CLIC5: variants seen among roughly 807,000 people sequenced by gnomAD.
CLIC5 encodes CLIC family member 5, also known as chloride intracellular channel protein 5.
A neutral mutation model predicts 24.7 loss-of-function variants in CLIC5; 20 were observed. That is an observed-to-expected ratio of 0.81 (90% CI 0.57 to 1.18). The LOEUF is 1.18. CLIC5 is among the 50% of genes most tolerant of loss of function. CLIC5 has a pLI of 0.00. For synonymous variants in CLIC5, 159 were observed against 135.6 expected (o/e 1.17, Z -1.20); for missense variants, 341 against 326.1 (o/e 1.05, Z -0.35).
intron 1 of CLIC5, among the ~76,000 whole-genome samples, chr6:46,055,011 C>T (rs543773240): frequency 1.3e-5 from 2 of 152,306 alleles, no homozygotes; most frequent in Admixed American, 6.5e-5. Flanking sequence ...AAGAGATGTT[C>T]CCTTTTCTGT....
chr6:45,903,200 C>CA lies in CLIC5; in HGVS notation c.643dup (p.Trp215LeufsTer11). 1 of 1,612,552 alleles carries CA rather than the reference C, an allele frequency of 6.2e-7. No homozygotes were observed. The highest frequency in any genetic ancestry group is 8.5e-7 in the Non-Finnish European group (1 of 1,179,498). ...GGCATAGGCGTTCTTGAGGTACCGC[C>CA]ACAGGCCTGTCATCTCAGCCGGGAT... is the stretch of plus-strand genomic sequence containing the variant. On this transcript the variant is annotated frameshift_variant, in exon 6 of 6. Coordinates refer to ENST00000339561, the MANE Select transcript of CLIC5 (RefSeq NM_016929.5). LOFTEE classifies it high-confidence loss of function.
At chr6:45,944,777 G>A (rs897655144) in intron 3 of CLIC5, among the ~76,000 whole-genome samples, 1 of 152,124 alleles carries the variant, frequency 6.6e-6, no homozygotes, top group Non-Finnish European at 1.5e-5. Flanking sequence ...TGGTTTTGGG[G>A]ATAGATACCC....
intron 1 of CLIC5, among the ~76,000 whole-genome samples, chr6:46,024,251 C>T (rs916682302): frequency 1.3e-5 from 2 of 152,154 alleles, no homozygotes; most frequent in African/African-American, 4.8e-5. Context: ...GATCTACCTT[C>T]CTCCATTCAC....
intron 6 of CLIC5, among the ~76,000 whole-genome samples, chr6:45,891,697 G>A (rs1260773095): frequency 3.3e-5 from 5 of 151,738 alleles, no homozygotes; most frequent in Non-Finnish European, 7.4e-5. Context: ...ATATGTGCAT[G>A]GAAAATTTCT....
chr6:46,002,745 T>TA (rs1396124995), intron 1 of CLIC5, among the ~76,000 whole-genome samples: 2 of 152,140 alleles, frequency 1.3e-5, no homozygotes, highest in African/African-American at 4.8e-5. Context: ...GAGAAGTGGG[T>TA]AGGAGACTTG....
At chr6:45,925,783 C>T (rs932367094) in intron 4 of CLIC5, among the ~76,000 whole-genome samples, 1 of 152,174 alleles carries the variant, frequency 6.6e-6, no homozygotes, top group African/African-American at 2.4e-5. Flanking sequence ...AGAGGAACAA[C>T]AGTTCCCTTT....
At chr6:45,991,068 G>A (rs1223258353) in intron 1 of CLIC5, among the ~76,000 whole-genome samples, 2 of 152,194 alleles carry the variant, frequency 1.3e-5, no homozygotes, top group African/African-American at 4.8e-5. Context: ...GTGACCCCCA[G>A]ATCCCCTTGC....
chr6:46,014,592 T>C (rs114526303), intron 1 of CLIC5: 5,998 of 152,282 alleles, frequency 0.039, 170 homozygotes, highest in Non-Finnish European at 0.065. Context: ...TGGAGGCTAC[T>C]CTCCCGCAGC....
chr6:45,911,393 A>G (rs890235794), intron 5 of CLIC5, among the ~76,000 whole-genome samples: 2 of 152,134 alleles, frequency 1.3e-5, no homozygotes, highest in Non-Finnish European at 1.5e-5. Context: ...TGCCACCACG[A>G]TATCTCCCCA....
At chr6:46,073,692 G>A (rs1173826382) in intron 1 of CLIC5, among the ~76,000 whole-genome samples, 3 of 152,170 alleles carry the variant, frequency 2.0e-5, no homozygotes, top group Non-Finnish European at 4.4e-5. Flanking sequence ...GTGAAAGGCA[G>A]CACTCTTAGT....
chr6:45,901,568 A>G lies in CLIC5; in HGVS notation c.*1520T>C, dbSNP rs1001282828. On this transcript the variant is annotated 3_prime_UTR_variant, in exon 6 of 6. Coordinates refer to ENST00000339561, the MANE Select transcript of CLIC5 (RefSeq NM_016929.5). ...GCCTCACCCTTTACCAGCGAACACT[A>G]TAGAAGGGGGATTGTTGAAGGTAAG... The G allele has an allele frequency of 2.0e-5, 3 of 152,028 alleles. No individual in the cohort carries two copies. The highest frequency in any genetic ancestry group is 4.4e-5 in the Non-Finnish European group (3 of 68,028). 9.4% of individuals were successfully genotyped at this position (152,028 alleles called of 1,614,324 possible).
intron 1 of CLIC5, among the ~76,000 whole-genome samples, chr6:46,078,808 A>G (rs1308749954): frequency 1.3e-5 from 2 of 152,220 alleles, no homozygotes; most frequent in African/African-American, 4.8e-5. Flanking sequence ...AAGACAACAA[A>G]GGGCAAAATT....
chr6:46,061,448 G>T (rs979202616), intron 1 of CLIC5, among the ~76,000 whole-genome samples: 1 of 152,196 alleles, frequency 6.6e-6, no homozygotes, highest in Non-Finnish European at 1.5e-5. Context: ...GCCTTGGCCT[G>T]CCAAAGTGTT....
the CLIC5 span, among the ~76,000 whole-genome samples, chr6:46,104,651 A>C: frequency 6.6e-6 from 1 of 151,630 alleles, no homozygotes; most frequent in Admixed American, 6.6e-5. Flanking sequence ...AAAGAGGCAA[A>C]GACTCCTATG....
chr6:46,004,085 T>A (rs1257537664), intron 1 of CLIC5, among the ~76,000 whole-genome samples: 4 of 152,116 alleles, frequency 2.6e-5, no homozygotes, highest in Non-Finnish European at 4.4e-5. Context: ...GCAAGAATAG[T>A]TTCAGTATCA....
At chr6:45,989,405 G>A (rs886278332) in intron 1 of CLIC5, among the ~76,000 whole-genome samples, 23 of 152,250 alleles carry the variant, frequency 1.5e-4, no homozygotes, top group African/African-American at 5.1e-4. Flanking sequence ...AGTCAGAATT[G>A]CTTTGAAATT....
upstream of CLIC5, among the ~76,000 whole-genome samples, chr6:46,016,631 A>G (rs1767019146): frequency 6.6e-6 from 1 of 152,132 alleles, no homozygotes; most frequent in South Asian, 2.1e-4. Context: ...GAAAAGATGC[A>G]CATATCTTAG....
chr6:45,895,075 A>G (rs1328913132), downstream of CLIC5, among the ~76,000 whole-genome samples: 2 of 152,156 alleles, frequency 1.3e-5, no homozygotes, highest in African/African-American at 2.4e-5. Flanking sequence ...TGGGAAAATA[A>G]TTATTTACTA....
chr6:46,076,673 AAG>A (rs1762779785), intron 1 of CLIC5, among the ~76,000 whole-genome samples: 1 of 152,240 alleles, frequency 6.6e-6, no homozygotes, highest in African/African-American at 2.4e-5. Context: ...CCAGAACTGT[AAG>A]AGAATATTTG....
Sources: allele counts gnomAD v4.1 joint callset (sites outside exome capture counted in the v4.1 genomes callset), GRCh38; gene constraint gnomAD v4.1.1; transcripts MANE v1.5; gene names NCBI Gene and HGNC (gene_info 2026-07-23, HGNC 2026-07-21).